The following KCNN3 variants were observed in gnomAD, a reference collection of about 807,000 sequenced individuals.
KCNN3 encodes potassium calcium-activated channel subfamily N member 3.
KCNN3 carries 16 observed loss-of-function variants against 62.9 expected under a neutral mutation model. The ratio of observed to expected loss-of-function variants is 0.25; its 90% CI spans 0.17 to 0.39. The LOEUF (loss-of-function observed/expected upper bound fraction) is 0.39, where lower values mean the gene tolerates loss of function less well. KCNN3 is among the 10% of genes least tolerant of loss of function. The pLI is 1.00. For synonymous variants in KCNN3, 370 were observed against 389.2 expected (o/e 0.95, Z 0.58); for missense variants, 599 against 949.4 (o/e 0.63, Z 4.85).
intron 3 of KCNN3, chr1:154,736,931 G>A (rs1700723262): frequency 1.5e-6 from 1 of 677,540 alleles, no homozygotes; most frequent in African/African-American, 1.8e-5. Context: ...TCAGCCTTCA[G>A]TGATCGCTTC....
At chr1:154,713,924 C>A (rs778197661) in intron 6 of KCNN3, among the ~76,000 whole-genome samples, 3 of 124,574 alleles carry the variant, frequency 2.4e-5, no homozygotes, top group Non-Finnish European at 3.5e-5. Flanking sequence ...CAGAAAGCAT[C>A]AGCCACGGTT....
intron 2 of KCNN3, among the ~76,000 whole-genome samples, chr1:154,812,102 C>T (rs1194182541): frequency 6.6e-6 from 1 of 152,132 alleles, no homozygotes; most frequent in African/African-American, 2.4e-5. Context: ...AGATATGACA[C>T]GGGGGATCTG....
chr1:154,846,191 G>A (rs891696163), intron 1 of KCNN3, among the ~76,000 whole-genome samples: 5 of 152,152 alleles, frequency 3.3e-5, no homozygotes, highest in Non-Finnish European at 5.9e-5. Context: ...GGGCCTAGAC[G>A]ATGCCTCTCC....
At chr1:154,710,732 A>G (rs1222469882) in intron 7 of KCNN3, among the ~76,000 whole-genome samples, 2 of 152,258 alleles carry the variant, frequency 1.3e-5, no homozygotes, top group Non-Finnish European at 2.9e-5. Context: ...GCCAAAAAAC[A>G]CATGAAAAAA....
chr1:154,779,534 G>T (rs1648934609), intron 2 of KCNN3, among the ~76,000 whole-genome samples: 1 of 152,220 alleles, frequency 6.6e-6, no homozygotes, highest in South Asian at 2.1e-4. Flanking sequence ...AGATATCAAA[G>T]AATAACTCAG....
intron 3 of KCNN3, among the ~76,000 whole-genome samples, chr1:154,736,691 G>A (rs142224789): frequency 5.6e-4 from 86 of 152,310 alleles, no homozygotes; most frequent in Non-Finnish European, 6.2e-4. Context: ...TGCAAACCCT[G>A]AGGATTAAAC....
At chr1:154,714,566 T>G (rs773478340) in intron 6 of KCNN3, among the ~76,000 whole-genome samples, 9,563 of 58,322 alleles carry the variant, frequency 0.16, 891 homozygotes, top group Non-Finnish European at 0.21. Flanking sequence ...GGTGTGTGTG[T>G]GGTGTGTGTG....
intron 4 of KCNN3, among the ~76,000 whole-genome samples, chr1:154,728,739 C>T (rs755942476): frequency 2.0e-4 from 30 of 151,504 alleles, no homozygotes; most frequent in Non-Finnish European, 2.9e-4. Flanking sequence ...GAACAAGTTG[C>T]GTTGCATCCT....
intron 1 of KCNN3, among the ~76,000 whole-genome samples, chr1:154,826,529 CTG>C (rs1557995686): frequency 1.3e-5 from 2 of 152,320 alleles, no homozygotes; most frequent in East Asian, 3.9e-4. Context: ...ACACCCAGAT[CTG>C]TCTGCCTCCA....
In KCNN3 at chr1:154,749,108, C is replaced by A. The variant is rs376492565; in HGVS notation, c.1449-15964G>T. On this transcript the variant is annotated intron_variant, in intron 3 of 7. Coordinates refer to ENST00000271915, the MANE Select transcript of KCNN3 (RefSeq NM_002249.6). ...GGGATTCTCTCTCTCTCAGGTATCT[C>A]ATCCTGGATCTGTGTTATAATGAGC... is the stretch of plus-strand genomic sequence containing the variant. Among the ~76,000 whole-genome samples, 63 of 152,288 alleles carry A rather than the reference C, an allele frequency of 4.1e-4. 3 individuals are homozygous for A. Among genetic ancestry groups the A allele is most frequent in the African/African-American group, 1.5e-3 (63 of 41,546 alleles).
chr1:154,713,389 C>A, intron 7 of KCNN3, 75 bp downstream of exon 7: 1 of 1,266,280 alleles, frequency 7.9e-7, no homozygotes, highest in Non-Finnish European at 1.2e-6. Flanking sequence ...CGAACCCAGC[C>A]AGGACTCACA....
At chr1:154,789,116 A>G (rs1321227271) in intron 2 of KCNN3, among the ~76,000 whole-genome samples, 1 of 152,224 alleles carries the variant, frequency 6.6e-6, no homozygotes, top group African/African-American at 2.4e-5. Flanking sequence ...CTTCCCGAAG[A>G]TCAGGCGGGG....
At chr1:154,864,295 C>A (rs893250416) in intron 1 of KCNN3, among the ~76,000 whole-genome samples, 1 of 152,230 alleles carries the variant, frequency 6.6e-6, no homozygotes, top group African/African-American at 2.4e-5. Context: ...TCAAAAATAC[C>A]AGGACACTGT....
chr1:154,714,157 ATGGTGTGTGTGATGTGTGGTGTG>A (rs1700145821), intron 6 of KCNN3, among the ~76,000 whole-genome samples: 1 of 44,716 alleles, frequency 2.2e-5, no homozygotes, highest in Non-Finnish European at 4.3e-5. Context: ...TGTGGTATGT[ATGGTGTGTGTGATGTGTGGTGTG>A]TGGTGTGTGT....
At chr1:154,822,721 G>A (rs1650953223) in intron 1 of KCNN3, among the ~76,000 whole-genome samples, 1 of 152,234 alleles carries the variant, frequency 6.6e-6, no homozygotes, top group African/African-American at 2.4e-5. Flanking sequence ...GGGCAGGGGA[G>A]GGAGGCAGGG....
chr1:154,842,740 T>TA (rs1651892084), intron 1 of KCNN3, among the ~76,000 whole-genome samples: 1 of 150,502 alleles, frequency 6.6e-6, no homozygotes, highest in Non-Finnish European at 1.5e-5. Flanking sequence ...TTGCATATAT[T>TA]ACACTACACT....
chr1:154,741,728 G>A (rs1384614574), intron 3 of KCNN3, among the ~76,000 whole-genome samples: 2 of 150,942 alleles, frequency 1.3e-5, no homozygotes, highest in Non-Finnish European at 3.0e-5. Flanking sequence ...AAAAAAAAAG[G>A]ATTCTTTTCA....
chr1:154,776,213 C>G (rs935336027), intron 2 of KCNN3, among the ~76,000 whole-genome samples: 1 of 152,230 alleles, frequency 6.6e-6, no homozygotes, highest in Admixed American at 6.5e-5. Context: ...CATGTGATCT[C>G]AGGCCGTGCG....
intron 1 of KCNN3, among the ~76,000 whole-genome samples, chr1:154,835,819 C>T (rs1651562316): frequency 6.6e-6 from 1 of 152,198 alleles, no homozygotes; most frequent in African/African-American, 2.4e-5. Context: ...TAGAGAGGAC[C>T]ACTCCTAACC....
Sources: allele counts gnomAD v4.1 joint callset (sites outside exome capture counted in the v4.1 genomes callset), GRCh38; gene constraint gnomAD v4.1.1; transcripts MANE v1.5; gene names NCBI Gene and HGNC (gene_info 2026-07-23, HGNC 2026-07-21).